The following PIEZO2 variants were observed in gnomAD, a reference collection of about 807,000 sequenced individuals.
PIEZO2 encodes piezo type mechanosensitive ion channel component 2.
In PIEZO2, 172 loss-of-function variants were observed where a neutral mutation model predicts 337.3. The observed-to-expected ratio is 0.51, with a 90% CI of 0.45 to 0.58. The LOEUF (loss-of-function observed/expected upper bound fraction) is 0.58, where lower values mean the gene tolerates loss of function less well. Among genes scored for constraint, PIEZO2 ranks in the 20% least tolerant of loss-of-function variants. The pLI is 0.00. For missense variants in PIEZO2, 3,028 were observed against 3,391.3 expected, an observed-to-expected ratio of 0.89 and a Z score of 2.66; for synonymous variants, 1,251 against 1,228.5, an observed-to-expected ratio of 1.02 and a Z score of -0.38.
At chr18:10,896,147 C>CT (rs1370957982) in intron 4 of PIEZO2, among the ~76,000 whole-genome samples, 7 of 151,762 alleles carry the variant, frequency 4.6e-5, no homozygotes, top group Non-Finnish European at 8.8e-5. Context: ...AGAACACACA[C>CT]TAGTATTCCT....
chr18:10,950,899 C>A (rs2033261707), intron 3 of PIEZO2, among the ~76,000 whole-genome samples: 1 of 152,314 alleles, frequency 6.6e-6, no homozygotes, highest in Middle Eastern at 3.4e-3. Context: ...TTTCTAAAAT[C>A]GCTCTGCAAT....
chr18:11,108,988 T>G (rs2039654172), intron 1 of PIEZO2, among the ~76,000 whole-genome samples: 1 of 152,330 alleles, frequency 6.6e-6, no homozygotes, highest in East Asian at 1.9e-4. Context: ...GGGCAGAACT[T>G]GCCCCCTGTC....
chr18:10,748,635 A>G lies in PIEZO2; in HGVS notation c.4265-5T>C. 1 of 1,439,428 alleles carries G rather than the reference A, an allele frequency of 6.9e-7. No individual in the cohort carries two copies. Among genetic ancestry groups the G allele is most frequent in the Non-Finnish European group, 9.1e-7 (1 of 1,104,048 alleles). 89.2% of individuals were successfully genotyped at this position (1,439,428 alleles called of 1,614,324 possible). A position where few individuals can be genotyped will look rare whatever the true frequency, so the allele number is the denominator to read the frequency against. Reference sequence around the variant, plus strand: ...TACAGGGTGAATTAGCAGCAGCTATAGTAACAGTAGAAAAACACACATTAA... The same window carrying G: ...TACAGGGTGAATTAGCAGCAGCTATGGTAACAGTAGAAAAACACACATTAA... On this transcript the variant is annotated splice_polypyrimidine_tract_variant and splice_region_variant and intron_variant, in intron 29 of 55. Coordinates refer to ENST00000674853, the MANE Select transcript of PIEZO2 (RefSeq NM_001378183.1). This position sits in a 1 kb window ranked among gnomAD's most constrained non-coding sequence, Gnocchi z 5.1.
rs2038995297 is a variant in PIEZO2 at position 10,781,878 on chromosome 18, T to G, written c.2493-1512A>C. Reference sequence around the variant, plus strand: ...TTCCTGATCTGTGGGCCATTTCTTGTAAAGCAACTGTTTAGGAGGCAGGAG... The same window carrying G: ...TTCCTGATCTGTGGGCCATTTCTTGGAAAGCAACTGTTTAGGAGGCAGGAG... On this transcript the variant is annotated intron_variant, in intron 17 of 55. Coordinates refer to ENST00000674853, the MANE Select transcript of PIEZO2 (RefSeq NM_001378183.1). This position sits in a 1 kb window ranked among gnomAD's most constrained non-coding sequence, Gnocchi z 4.1. Among the ~76,000 whole-genome samples, 1 of 152,046 alleles carries G rather than the reference T, an allele frequency of 6.6e-6. No homozygotes were observed. Among genetic ancestry groups the G allele is most frequent in the African/African-American group, 2.4e-5 (1 of 41,414 alleles).
intron 3 of PIEZO2, among the ~76,000 whole-genome samples, chr18:10,963,670 A>G (rs1277121600): frequency 2.0e-5 from 3 of 152,208 alleles, no homozygotes; most frequent in African/African-American, 7.2e-5. Context: ...GAGTCTTAAA[A>G]CACATGGAAT....
chr18:11,050,286 C>CATAATA (rs899305390), intron 2 of PIEZO2, among the ~76,000 whole-genome samples: 1 of 151,590 alleles, frequency 6.6e-6, no homozygotes, highest in Non-Finnish European at 1.5e-5. Context: ...CATAATAAAA[C>CATAATA]ATAATAATAA....
rs2038581163 is a variant in PIEZO2, at chr18:11,077,353, A to T, written c.65-11131T>A. Among the ~76,000 whole-genome samples the T allele has an allele frequency of 6.6e-6, 1 of 152,158 alleles. No individual in the cohort carries two copies. The highest frequency in any genetic ancestry group is 1.5e-5 in the Non-Finnish European group (1 of 68,028). The stretch of plus-strand genomic sequence containing the variant: ...TTGGTAGCTTGCTTTGGTTTGTGTC[A>T]TGGTATTTGCTGATTTAGAAATCAC... On this transcript the variant is annotated intron_variant, in intron 1 of 55. Transcript: ENST00000674853. This position sits in a 1 kb window ranked among gnomAD's most constrained non-coding sequence, Gnocchi z 4.8.
intron 7 of PIEZO2, among the ~76,000 whole-genome samples, chr18:10,842,863 A>G (rs1218278838): frequency 1.3e-5 from 2 of 152,280 alleles, no homozygotes; most frequent in African/African-American, 2.4e-5. Flanking sequence ...GTAACAAGCA[A>G]GTTTATTAAA....
chr18:10,931,637 T>C (rs747652044), intron 3 of PIEZO2, among the ~76,000 whole-genome samples: 3 of 152,194 alleles, frequency 2.0e-5, no homozygotes, highest in Non-Finnish European at 4.4e-5. Context: ...AGTTGTTACA[T>C]ATCCTTCAGG....
Position 10,854,095 on chromosome 18 carries a change from G to T in PIEZO2, c.917+1258C>A, listed in dbSNP as rs948917487. Among the ~76,000 whole-genome samples, 5 of 151,824 alleles carry T rather than the reference G, an allele frequency of 3.3e-5. No homozygotes were observed. Among genetic ancestry groups the T allele is most frequent in the Admixed American group, 6.6e-5 (1 of 15,240 alleles). ...TTTTTTTTTAAAGACCCATTCATTTGCCTTGCAGAATCCACATTTTGAATT... is the reference window on the plus strand; with the variant it reads ...TTTTTTTTTAAAGACCCATTCATTTTCCTTGCAGAATCCACATTTTGAATT... On this transcript the variant is annotated intron_variant, in intron 7 of 55. Coordinates refer to ENST00000674853, the MANE Select transcript of PIEZO2 (RefSeq NM_001378183.1). This position sits in a 1 kb window ranked among gnomAD's most constrained non-coding sequence, Gnocchi z 4.6.
At chr18:10,705,872 A>G in intron 40 of PIEZO2, 126 bp from the exon 41 acceptor site, 2 of 1,185,164 alleles carry the variant, frequency 1.7e-6, no homozygotes, top group Non-Finnish European at 2.3e-6. Flanking sequence ...CCTGCATTCC[A>G]TCTGCTTTGT....
In PIEZO2 at chr18:10,671,531, T is replaced by C. The variant is rs563248994; in HGVS notation, c.8594A>G (p.Asn2865Ser). 6.2e-7 allele frequency: 1 copy of C among 1,607,782 alleles called. No individual in the cohort carries two copies. The highest frequency in any genetic ancestry group is 2.2e-5 in the East Asian group (1 of 44,792). ...TGCAGTCTGTGTTCTAAGGTTTCAA[T>C]TTGTTTTTTCTCTAGTCCATTTGAT... ...TMIKWTREKT[N>S] Residue 2865 changes from asparagine to serine, a missense_variant, in exon 56 of 56, where the codon AAT (asparagine) becomes AGT (serine). By Grantham distance (46) the Asn-to-Ser change is conservative. Transcript: ENST00000674853.
chr18:10,912,850 T>G (rs924308985), intron 3 of PIEZO2, among the ~76,000 whole-genome samples: 5 of 152,188 alleles, frequency 3.3e-5, no homozygotes, highest in African/African-American at 1.2e-4. Context: ...AATAAATGAC[T>G]AAATTTCGGA....
intron 2 of PIEZO2, among the ~76,000 whole-genome samples, chr18:11,058,674 G>A (rs9709670): frequency 0.65 from 98,726 of 151,942 alleles, 32,735 homozygotes; most frequent in East Asian, 0.97. Context: ...AAAGGGTATC[G>A]GTGATGGAAG....
chr18:10,688,221 T>C (rs2034640866), intron 49 of PIEZO2, among the ~76,000 whole-genome samples: 1 of 152,164 alleles, frequency 6.6e-6, no homozygotes, highest in African/African-American at 2.4e-5. Context: ...GTGTTCTCAT[T>C]GTTCGGCTCC....
intron 3 of PIEZO2, among the ~76,000 whole-genome samples, chr18:10,938,091 G>T (rs1364503077): frequency 6.6e-6 from 1 of 152,168 alleles, no homozygotes; most frequent in Non-Finnish European, 1.5e-5. Flanking sequence ...TCTCATTTTA[G>T]ATTCAATTCC....
chr18:10,865,856 ACCC>A (rs2041992030), intron 5 of PIEZO2, among the ~76,000 whole-genome samples: 2 of 151,998 alleles, frequency 1.3e-5, no homozygotes, highest in Admixed American at 1.3e-4. Context: ...GCTCTACTCT[ACCC>A]CCCAAGAAAG....
At chr18:10,869,135 C>T (rs1218080483) in intron 5 of PIEZO2, among the ~76,000 whole-genome samples, 1 of 152,194 alleles carries the variant, frequency 6.6e-6, no homozygotes, top group Non-Finnish European at 1.5e-5. Context: ...GGCACTGTGG[C>T]AGGTGCTTTT....
chr18:10,807,145 G>A lies in PIEZO2; in HGVS notation c.1047C>T (p.Ala349=), dbSNP rs1194656289. ...ILLLVMYYTL[A]TLIRIWLQEP... ...CTTGCAGCCAGATGCGGATCAGAGT[G>A]GCCAGAGTGTAGTACATCACCAGCA... Residue 349 remains alanine (A), a synonymous_variant, in exon 8 of 56, where the codon GCC becomes GCT. Coordinates refer to ENST00000674853, the MANE Select transcript of PIEZO2 (RefSeq NM_001378183.1). 28 of 1,537,044 alleles carry A rather than the reference G, an allele frequency of 1.8e-5. 1 individual carries two copies. Among genetic ancestry groups the A allele is most frequent in the Non-Finnish European group, 2.4e-5 (27 of 1,146,860 alleles).
Sources: allele counts gnomAD v4.1 joint callset (sites outside exome capture counted in the v4.1 genomes callset), GRCh38; gene constraint gnomAD v4.1.1; non-coding constraint Gnocchi (gnomAD v3.1); transcripts MANE v1.5; gene names NCBI Gene and HGNC (gene_info 2026-07-23, HGNC 2026-07-21).